Variants in TAOK3 observed in about 807,000 individuals in gnomAD.
The protein encoded by TAOK3 is serine/threonine-protein kinase TAO3.
In TAOK3, 40 loss-of-function variants were observed where a neutral mutation model predicts 120.4. The observed-to-expected ratio is 0.33, with a 90% CI of 0.26 to 0.43. The LOEUF (loss-of-function observed/expected upper bound fraction) is 0.43. TAOK3 is among the 20% of genes least tolerant of loss of function. The probability of loss-of-function intolerance (pLI) is 1.00; values close to 1 mark genes in which losing one functional copy is unlikely to be tolerated. For missense variants in TAOK3, 821 were observed against 1,112.1 expected, an observed-to-expected ratio of 0.74 and a Z score of 3.72; for synonymous variants, 355 against 387.5, an observed-to-expected ratio of 0.92 and a Z score of 0.99.
At position 118,229,693 on chromosome 12, in the gene TAOK3, A is replaced by G. The variant is rs1238301947; in HGVS notation, c.643+3981T>C. ...ACGCCTGTAATCCCAGCACTTTGGA[A>G]GGCTGAGGCGGGTGGATCACAAGGT... On this transcript the variant is annotated intron_variant, in intron 9 of 20. Transcript: ENST00000392533. Among the ~76,000 whole-genome samples, 4 of 152,256 alleles carry G rather than the reference A, an allele frequency of 2.6e-5. No homozygotes were observed. In the East Asian group the frequency reaches 7.7e-4, roughly 29 times the overall value.
chr12:118,331,074 C>T (rs2044128331), intron 1 of TAOK3, among the ~76,000 whole-genome samples: 1 of 152,196 alleles, frequency 6.6e-6, no homozygotes. Flanking sequence ...TCTAGAACAA[C>T]ATATACTACA....
chr12:118,190,085 T>C, intron 13 of TAOK3, 144 bp from the exon 14 acceptor site: 1 of 1,013,636 alleles, frequency 9.9e-7, no homozygotes, highest in Non-Finnish European at 1.4e-6. Flanking sequence ...GCTCCCACGG[T>C]ACAAAATGAA....
intron 11 of TAOK3, among the ~76,000 whole-genome samples, chr12:118,211,229 G>T (rs1252749133): frequency 1.3e-5 from 2 of 152,146 alleles, no homozygotes; most frequent in Non-Finnish European, 2.9e-5. Context: ...ATCAAAGGAA[G>T]ATCCAAACAT....
At chr12:118,151,281 GCGCGCGCGCACACACACA>G in intron 20 of TAOK3, 123 bp from the exon 21 acceptor site, 7 of 517,838 alleles carry the variant, frequency 1.4e-5, no homozygotes, top group South Asian at 2.8e-5. Flanking sequence ...CATGAAGTGC[GCGCGCGCGCACACACACA>G]CACACACACA....
At chr12:118,253,367 T>C (rs2040838288) in intron 3 of TAOK3, among the ~76,000 whole-genome samples, 2 of 152,212 alleles carry the variant, frequency 1.3e-5, no homozygotes, top group Admixed American at 1.3e-4. Context: ...TTTGGAGAAG[T>C]AGGTAATAAT....
rs1218923172 is a variant in TAOK3, at chr12:118,253,824, T to C, written c.120+1624A>G. ...ATCCCACCACTTTGGGAGGCCGAGG[T>C]GGTCAGATCACGAGGTCAGTTCAAG... On this transcript the variant is annotated intron_variant, in intron 3 of 20. Coordinates refer to ENST00000392533, the MANE Select transcript of TAOK3 (RefSeq NM_016281.4). Among the ~76,000 whole-genome samples, 4 of 149,388 alleles carry C rather than the reference T, an allele frequency of 2.7e-5. No homozygotes were observed. The South Asian group carries it at 8.5e-4, about 32-fold the overall frequency.
intron 1 of TAOK3, among the ~76,000 whole-genome samples, chr12:118,342,957 AAGAGAG>A (rs1294248778): frequency 4.2e-5 from 5 of 120,376 alleles, no homozygotes; most frequent in South Asian, 2.7e-4. Context: ...AAAAAAAAAA[AAGAGAG>A]AGAGAGAGAG....
chr12:118,274,224 C>T (rs1230487591), intron 1 of TAOK3, among the ~76,000 whole-genome samples: 6 of 152,056 alleles, frequency 3.9e-5, no homozygotes, highest in Non-Finnish European at 8.8e-5. Flanking sequence ...AAGAGAACTG[C>T]TTTTAAGGTA....
intron 1 of TAOK3, among the ~76,000 whole-genome samples, chr12:118,286,728 C>T (rs960217258): frequency 1.3e-5 from 2 of 152,168 alleles, no homozygotes; most frequent in African/African-American, 2.4e-5. Context: ...GTTATCTACC[C>T]AGAGGAAAAG....
intron 1 of TAOK3, among the ~76,000 whole-genome samples, chr12:118,301,628 G>C (rs891317635): frequency 6.6e-6 from 1 of 151,934 alleles, no homozygotes; most frequent in Non-Finnish European, 1.5e-5. Flanking sequence ...GGCGGATCAC[G>C]AGGTCAGGAG....
At chr12:118,336,830 G>A (rs955169608) in intron 1 of TAOK3, among the ~76,000 whole-genome samples, 2 of 152,218 alleles carry the variant, frequency 1.3e-5, no homozygotes, top group African/African-American at 4.8e-5. Context: ...CCAGCACTTT[G>A]GGAAGCCGAC....
chr12:118,327,672 T>G (rs2043987774), intron 1 of TAOK3, among the ~76,000 whole-genome samples: 1 of 152,174 alleles, frequency 6.6e-6, no homozygotes, highest in African/African-American at 2.4e-5. Context: ...AATCCTAAAA[T>G]ATAATGTTCA....
chr12:118,188,054 ATG>A (rs2037180491), intron 14 of TAOK3, among the ~76,000 whole-genome samples: 1 of 152,190 alleles, frequency 6.6e-6, no homozygotes, highest in Non-Finnish European at 1.5e-5. Flanking sequence ...AGGAGAGGTC[ATG>A]AATATATGAT....
chr12:118,223,528 A>G (rs1403730852), intron 9 of TAOK3, among the ~76,000 whole-genome samples: 30 of 149,912 alleles, frequency 2.0e-4, no homozygotes, highest in African/African-American at 2.5e-5. Context: ...TTGTATTTTT[A>G]GTAGAGACGG....
At chr12:118,203,235 T>C (rs189857344) in intron 11 of TAOK3, among the ~76,000 whole-genome samples, 33 of 152,224 alleles carry the variant, frequency 2.2e-4, no homozygotes, top group African/African-American at 5.3e-4. Context: ...AGGTCAAAAT[T>C]CTGGCAACTT....
At chr12:118,328,141 A>G (rs933520305) in intron 1 of TAOK3, among the ~76,000 whole-genome samples, 1 of 151,698 alleles carries the variant, frequency 6.6e-6, no homozygotes, top group Admixed American at 6.6e-5. Flanking sequence ...GCAACCTGCA[A>G]CCTCTGCCTC....
rs1021725869 is a variant in TAOK3 at position 118,161,193 on chromosome 12, T to G, written c.2139+595A>C. ...ATCTGTGGCAACACTGACAACGTCC[T>G]CCCGGATATATAGCAATGGCTTAGT... On this transcript the variant is annotated intron_variant, in intron 18 of 20. Coordinates refer to ENST00000392533, the MANE Select transcript of TAOK3 (RefSeq NM_016281.4). This position sits in a 1 kb window ranked among gnomAD's most constrained non-coding sequence, Gnocchi z 4.5. Among the ~76,000 whole-genome samples the G allele has an allele frequency of 1.3e-5, 2 of 152,198 alleles. No homozygotes were observed. Among genetic ancestry groups the G allele is most frequent in the African/African-American group, 4.8e-5 (2 of 41,452 alleles).
intron 1 of TAOK3, among the ~76,000 whole-genome samples, chr12:118,357,623 C>T (rs1018885309): frequency 2.0e-4 from 31 of 152,168 alleles, no homozygotes; most frequent in African/African-American, 7.2e-4. Flanking sequence ...TTCCCTTCAA[C>T]GAGTGTCATT....
chr12:118,211,708 T>C (rs1032179715), intron 11 of TAOK3, among the ~76,000 whole-genome samples: 1 of 151,918 alleles, frequency 6.6e-6, no homozygotes, highest in Non-Finnish European at 1.5e-5. Flanking sequence ...CTCAAAATCC[T>C]GGGCTCACGT....
Sources: allele counts gnomAD v4.1 joint callset (sites outside exome capture counted in the v4.1 genomes callset), GRCh38; gene constraint gnomAD v4.1.1; non-coding constraint Gnocchi (gnomAD v3.1); transcripts MANE v1.5; gene names NCBI Gene and HGNC (gene_info 2026-07-23, HGNC 2026-07-21).